The following CDK6 variants were observed in gnomAD, a reference collection of about 807,000 sequenced individuals.
CDK6 encodes the protein cyclin-dependent kinase 6.
CDK6 carries 6 observed loss-of-function variants against 37.1 expected under a neutral mutation model. The observed-to-expected ratio is 0.16, with a 90% CI of 0.09 to 0.32. The LOEUF is 0.32. Ranked by LOEUF, CDK6 falls within the 10% of genes least tolerant of loss-of-function variation. CDK6 has a pLI of 1.00. For synonymous variants in CDK6, 160 were observed against 161.3 expected, an observed-to-expected ratio of 0.99 and a Z score of 0.06; for missense variants, 224 against 418.9, an observed-to-expected ratio of 0.53 and a Z score of 4.06.
intron 5 of CDK6, among the ~76,000 whole-genome samples, chr7:92,633,624 CT>C (rs540735364): frequency 0.34 from 45,885 of 133,398 alleles, 7,432 homozygotes; most frequent in Middle Eastern, 0.43. Flanking sequence ...CAAAGCTAGC[CT>C]TTTTTTTTTT....
chr7:92,776,682 T>C (rs1450737503), intron 2 of CDK6, among the ~76,000 whole-genome samples: 1 of 152,212 alleles, frequency 6.6e-6, no homozygotes, highest in East Asian at 1.9e-4. Context: ...TTTTTTTTCA[T>C]ATGTTTGTTG....
intron 3 of CDK6, among the ~76,000 whole-genome samples, chr7:92,742,851 T>C (rs1226697384): frequency 1.3e-5 from 2 of 152,176 alleles, no homozygotes; most frequent in African/African-American, 2.4e-5. Context: ...TCATTATCTG[T>C]AACATATTTA....
chr7:92,724,454 C>T (rs1461523070), intron 4 of CDK6, among the ~76,000 whole-genome samples: 2 of 152,132 alleles, frequency 1.3e-5, no homozygotes, highest in African/African-American at 4.8e-5. Flanking sequence ...TCTTACGTGT[C>T]TAGGTGGTAG....
At chr7:92,615,372 CAT>C (rs1235655237) in intron 7 of CDK6, 86 bp from the exon 8 acceptor site, 9 of 1,125,450 alleles carry the variant, frequency 8.0e-6, no homozygotes, top group African/African-American at 1.6e-5. Flanking sequence ...TATTCACTGT[CAT>C]ATGTTAAGCG....
chr7:92,826,554 G>A (rs1375174855), intron 2 of CDK6, among the ~76,000 whole-genome samples: 1 of 152,096 alleles, frequency 6.6e-6, no homozygotes, highest in African/African-American at 2.4e-5. Flanking sequence ...ATCCATTAGG[G>A]CAAATGGAGT....
At chr7:92,831,036 T>A (rs6968683) in intron 2 of CDK6, among the ~76,000 whole-genome samples, 143 of 152,350 alleles carry the variant, frequency 9.4e-4, no homozygotes, top group African/African-American at 3.4e-3. Context: ...ACATACGCCA[T>A]CTCATTTTAT....
intron 5 of CDK6, among the ~76,000 whole-genome samples, chr7:92,650,239 T>C (rs1325518829): frequency 6.6e-6 from 1 of 152,168 alleles, no homozygotes; most frequent in African/African-American, 2.4e-5. Context: ...TGTTTCCCCC[T>C]AAAACCCCAA....
intron 4 of CDK6, among the ~76,000 whole-genome samples, chr7:92,702,366 G>A (rs771215592): frequency 4.0e-5 from 6 of 150,478 alleles, no homozygotes; most frequent in Non-Finnish European, 5.9e-5. Context: ...CCGAGTAGCT[G>A]GGATTACAGG....
rs951580803 is a variant in CDK6 at position 92,637,861 on chromosome 7, T to C, written c.648-14775A>G. On this transcript the variant is annotated intron_variant, in intron 5 of 7. Coordinates refer to ENST00000424848, the MANE Select transcript of CDK6 (RefSeq NM_001145306.2). ...AGCAGGAAAAAAGAGAACGCTGAGA[T>C]AAATTTCAAAATTTGATCACTTGCT... 6.6e-5 allele frequency among the ~76,000 whole-genome samples: 10 copies of C among 152,180 alleles called. No homozygotes were observed. In the South Asian group the frequency reaches 1.9e-3, roughly 28 times the overall value.
At chr7:92,631,269 C>T (rs897711745) in intron 5 of CDK6, among the ~76,000 whole-genome samples, 2 of 152,106 alleles carry the variant, frequency 1.3e-5, no homozygotes, top group African/African-American at 4.8e-5. Context: ...CCTGGGAAAC[C>T]TCTCTGTCCC....
At chr7:92,738,432 G>A (rs1394654985) in intron 3 of CDK6, among the ~76,000 whole-genome samples, 1 of 152,256 alleles carries the variant, frequency 6.6e-6, no homozygotes, top group Admixed American at 6.5e-5. Flanking sequence ...CTGAGATCAG[G>A]AGTTTGAGAC....
At chr7:92,684,238 T>C (rs1383991063) in intron 4 of CDK6, among the ~76,000 whole-genome samples, 1 of 152,220 alleles carries the variant, frequency 6.6e-6, no homozygotes, top group African/African-American at 2.4e-5. Flanking sequence ...TTCTCCTCAC[T>C]GTGGAGTCTA....
At chr7:92,622,389 G>GTTAAATAA (rs1795822842) in intron 6 of CDK6, among the ~76,000 whole-genome samples, 1 of 152,184 alleles carries the variant, frequency 6.6e-6, no homozygotes, top group African/African-American at 2.4e-5. Flanking sequence ...GAAATAAAAG[G>GTTAAATAA]TTAAATAATT....
intron 4 of CDK6, among the ~76,000 whole-genome samples, chr7:92,697,739 G>A (rs1797753517): frequency 6.6e-6 from 1 of 152,156 alleles, no homozygotes; most frequent in African/African-American, 2.4e-5. Context: ...TAAGAAGGAG[G>A]CTGTGTTCAG....
At chr7:92,625,259 CCT>C (rs1336562695) in intron 5 of CDK6, among the ~76,000 whole-genome samples, 2 of 147,008 alleles carry the variant, frequency 1.4e-5, no homozygotes, top group Non-Finnish European at 3.0e-5. Flanking sequence ...CACACACACA[CCT>C]CTCTTATTCC....
At chr7:92,686,818 C>A (rs1280652886) in intron 4 of CDK6, among the ~76,000 whole-genome samples, 1 of 151,946 alleles carries the variant, frequency 6.6e-6, no homozygotes, top group Non-Finnish European at 1.5e-5. Flanking sequence ...GCCATTCTTG[C>A]AGGAGTAAGG....
intron 3 of CDK6, among the ~76,000 whole-genome samples, chr7:92,767,941 A>G: frequency 6.6e-6 from 1 of 152,204 alleles, no homozygotes; most frequent in East Asian, 1.9e-4. Context: ...TAGTTAATAT[A>G]CTATAAGTGA....
Position 92,833,354 on chromosome 7 carries a change from CTGG to C in CDK6, c.-34_-32del. The C allele has an allele frequency of 6.7e-7, 1 of 1,503,640 alleles. No individual in the cohort carries two copies. The allele number at this position is 1,503,640 out of a possible 1,614,324, so 93.1% of individuals were successfully genotyped here. ...CTGGACGCCGCCCGCCGCGGCGCCG[CTGG>C]GGCGGGCGGGGGGTGCGCTCAACTA... On this transcript the variant is annotated 5_prime_UTR_variant, in exon 2 of 8. Transcript: ENST00000424848. The surrounding 1 kb of genome is among the most constrained non-coding windows in gnomAD (Gnocchi z 6.1).
intron 5 of CDK6, among the ~76,000 whole-genome samples, chr7:92,653,330 A>G (rs1038009488): frequency 3.3e-5 from 5 of 152,192 alleles, no homozygotes; most frequent in Non-Finnish European, 5.9e-5. Context: ...AGCCCTAAGA[A>G]TGCATCTCAG....
Sources: allele counts gnomAD v4.1 joint callset (sites outside exome capture counted in the v4.1 genomes callset), GRCh38; gene constraint gnomAD v4.1.1; non-coding constraint Gnocchi (gnomAD v3.1); transcripts MANE v1.5; gene names NCBI Gene and HGNC (gene_info 2026-07-23, HGNC 2026-07-21).